PCDHGB6: variants seen among roughly 807,000 people sequenced by gnomAD.
PCDHGB6 encodes protocadherin gamma-B6.
Under a neutral mutation model 59.1 loss-of-function variants are expected in PCDHGB6, and 51 were observed. The ratio of observed to expected loss-of-function variants is 0.86; its 90% confidence interval spans 0.69 to 1.09. The LOEUF (loss-of-function observed/expected upper bound fraction) is 1.09. Among genes scored for constraint, PCDHGB6 ranks in the 50% least tolerant of loss-of-function variants. PCDHGB6 has a pLI of 0.00. For missense variants in PCDHGB6, 1,148 were observed against 1,205.1 expected (o/e 0.95, Z 0.70); for synonymous variants, 466 against 495.1 (o/e 0.94, Z 0.78).
chr5:141,418,506 A>G, intron 1 of PCDHGB6: 1 of 1,613,978 alleles, frequency 6.2e-7, no homozygotes, highest in Non-Finnish European at 8.5e-7. Flanking sequence ...ACCGCCTTAG[A>G]TGGTGGGGAC....
chr5:141,495,430 C>T (rs1189953474), intron 2 of PCDHGB6, among the ~76,000 whole-genome samples: 3 of 152,220 alleles, frequency 2.0e-5, no homozygotes, highest in Admixed American at 2.0e-4. Context: ...TCCCACTGTC[C>T]TCTGCCCCTA....
At chr5:141,506,351 A>G (rs1029519620) in intron 3 of PCDHGB6, among the ~76,000 whole-genome samples, 2 of 150,784 alleles carry the variant, frequency 1.3e-5, no homozygotes, top group African/African-American at 4.9e-5. Context: ...TGGGAGGCTG[A>G]GGCAGGAGAA....
chr5:141,426,439 G>A, intron 1 of PCDHGB6: 1 of 302,400 alleles, frequency 3.3e-6, no homozygotes, highest in Non-Finnish European at 6.5e-6. Flanking sequence ...GAACCTTGCG[G>A]AGGACATGCG....
Position 141,432,206 on chromosome 5 carries a change from G to T in PCDHGB6, c.2418+21586G>T, listed in dbSNP as rs551220443. ...GACCGCCCACGACCCCGACTGTGAA[G>T]AGAACGCCCAGATCACTTATTCCCT... On this transcript the variant is annotated intron_variant, in intron 1 of 3. Coordinates refer to ENST00000520790, the MANE Select transcript of PCDHGB6 (RefSeq NM_018926.3). The surrounding 1 kb of genome is among the most constrained non-coding windows in gnomAD (Gnocchi z 6.0). 12 of 1,614,214 alleles carry T rather than the reference G, an allele frequency of 7.4e-6. No individual in the cohort carries two copies. The Admixed American group carries it at 8.3e-5, about 11-fold the overall frequency.
rs1214853229 is a variant in PCDHGB6 at position 141,432,238 on chromosome 5, GAA to G, written c.2418+21619_2418+21620del. ...CCCAGATCACTTATTCCCTGGCTGA[GAA>G]CACCATCCAAGGGGCAAGCCTATCG... On this transcript the variant is annotated intron_variant, in intron 1 of 3. Coordinates refer to ENST00000520790, the MANE Select transcript of PCDHGB6 (RefSeq NM_018926.3). The surrounding 1 kb of genome is among the most constrained non-coding windows in gnomAD (Gnocchi z 6.0). 1 of 1,614,216 alleles carries G rather than the reference GAA, an allele frequency of 6.2e-7. No homozygotes were observed. The highest frequency in any genetic ancestry group is 2.2e-5 in the East Asian group (1 of 44,882).
chr5:141,433,262 T>A, intron 1 of PCDHGB6: 1 of 1,339,436 alleles, frequency 7.5e-7, no homozygotes, highest in Non-Finnish European at 1.0e-6. Flanking sequence ...GGTACGATCA[T>A]AGCTCACTGC....
intron 1 of PCDHGB6, among the ~76,000 whole-genome samples, chr5:141,469,914 C>T (rs1451982311): frequency 6.6e-6 from 1 of 152,082 alleles, no homozygotes. Flanking sequence ...GCAGACCACC[C>T]GAGGTCAGGA....
In PCDHGB6 at chr5:141,511,032, G is replaced by C. The variant is rs779589499; in HGVS notation, c.2652G>C (p.Gln884His). Residue 884 changes from glutamine to histidine, a missense_variant, in exon 4 of 4, where the codon CAG (glutamine) becomes CAC (histidine). Gln to His is a conservative substitution (Grantham distance 24). Coordinates refer to ENST00000520790, the MANE Select transcript of PCDHGB6 (RefSeq NM_018926.3). ...SARYGPQFTL[Q>H]HVPDYRQNVY... ...GCTACGGACCCCAGTTCACCCTGCA[G>C]CACGTGCCCGACTACCGCCAGAATG... 6.2e-7 allele frequency: 1 copy of C among 1,614,228 alleles called. No individual in the cohort carries two copies. The highest frequency in any genetic ancestry group is 8.5e-7 in the Non-Finnish European group (1 of 1,180,036).
At chr5:141,458,130 C>A (rs1441742986) in intron 1 of PCDHGB6, among the ~76,000 whole-genome samples, 2 of 152,248 alleles carry the variant, frequency 1.3e-5, no homozygotes, top group African/African-American at 4.8e-5. Flanking sequence ...AGGAACCAGG[C>A]AGAGAAAAAT....
intron 1 of PCDHGB6, among the ~76,000 whole-genome samples, chr5:141,465,538 A>AT (rs2099105284): frequency 6.6e-6 from 1 of 152,112 alleles, no homozygotes; most frequent in Non-Finnish European, 1.5e-5. Context: ...TTTCCCAGGC[A>AT]TTTTTTCTGC....
chr5:141,492,616 G>C (rs976681246), intron 1 of PCDHGB6, among the ~76,000 whole-genome samples: 2 of 152,252 alleles, frequency 1.3e-5, no homozygotes, highest in African/African-American at 4.8e-5. Context: ...CTAAGTGCCG[G>C]GCGGGCAGGA....
Position 141,485,119 on chromosome 5 carries a change from C to A in PCDHGB6, c.2419-9688C>A. 3.0e-6 allele frequency: 4 copies of A among 1,328,812 alleles called. No homozygotes were observed. Among genetic ancestry groups the A allele is most frequent in the Non-Finnish European group, 4.3e-6 (4 of 935,940 alleles). The allele number at this position is 1,328,812 out of a possible 1,614,324, so 82.3% of individuals were successfully genotyped here. ...CTCCAGCTGCTGTGGCTGTTTGGGG[C>A]GGGTCGGCTTCATCCGCGTCTCAGG... On this transcript the variant is annotated intron_variant, in intron 1 of 3. Transcript: ENST00000520790. This position sits in a 1 kb window ranked among gnomAD's most constrained non-coding sequence, Gnocchi z 5.7.
At chr5:141,484,950 T>G in intron 1 of PCDHGB6, 1 of 561,950 alleles carries the variant, frequency 1.8e-6, no homozygotes, top group Non-Finnish European at 3.2e-6. Context: ...GCTCAGCCTA[T>G]TGGCTGAGCC....
In PCDHGB6 at chr5:141,417,959, C is replaced by T. The variant is rs759279387; in HGVS notation, c.2418+7339C>T. 7.4e-6 allele frequency: 12 copies of T among 1,613,616 alleles called. No homozygotes were observed. The highest frequency in any genetic ancestry group is 4.0e-5 in the African/African-American group (3 of 74,932). On this transcript the variant is annotated intron_variant, in intron 1 of 3. Coordinates refer to ENST00000520790, the MANE Select transcript of PCDHGB6 (RefSeq NM_018926.3). The stretch of plus-strand genomic sequence containing the variant: ...CTACCCCACGCTGTGTGAGCCGATC[C>T]GCTACTCGATTCCGGAGGAGCTGGC...
At chr5:141,470,112 G>T (rs1186184232) in intron 1 of PCDHGB6, among the ~76,000 whole-genome samples, 1 of 152,104 alleles carries the variant, frequency 6.6e-6, no homozygotes, top group Non-Finnish European at 1.5e-5. Flanking sequence ...CTGAGCAACA[G>T]AGCAAGACTT....
Position 141,487,691 on chromosome 5 carries a change from A to T in PCDHGB6, c.2419-7116A>T. On this transcript the variant is annotated intron_variant, in intron 1 of 3. Transcript: ENST00000520790. The surrounding 1 kb of genome is among the most constrained non-coding windows in gnomAD (Gnocchi z 5.0). ...CATATGGCTAGGCCATGTCCTAGAG[A>T]GTACTGGCCTCTCAGTAAGTGCCCA... 6.2e-7 allele frequency: 1 copy of T among 1,604,122 alleles called. No individual in the cohort carries two copies. The highest frequency in any genetic ancestry group is 8.5e-7 in the Non-Finnish European group (1 of 1,174,384).
At chr5:141,488,070 C>A (rs777154469) in intron 1 of PCDHGB6, among the ~76,000 whole-genome samples, 3 of 152,076 alleles carry the variant, frequency 2.0e-5, no homozygotes, top group Non-Finnish European at 1.5e-5. Context: ...TCTTTGTCTC[C>A]CAGTATCTAG....
At chr5:141,442,049 C>A in intron 1 of PCDHGB6, 2 of 202,550 alleles carry the variant, frequency 9.9e-6, no homozygotes, top group South Asian at 1.3e-4. Flanking sequence ...GCCTACTGGT[C>A]GCGGTGCACT....
In PCDHGB6 at chr5:141,476,012, T is replaced by C. The variant is rs2099383969; in HGVS notation, c.2419-18795T>C. The stretch of plus-strand genomic sequence containing the variant: ...CAAATCAACGGCATCCAGAAAGCCA[T>C]GTCGGACTCGGCGCCCAGCGCCCAA... On this transcript the variant is annotated intron_variant, in intron 1 of 3. Coordinates refer to ENST00000520790, the MANE Select transcript of PCDHGB6 (RefSeq NM_018926.3). This position sits in a 1 kb window ranked among gnomAD's most constrained non-coding sequence, Gnocchi z 7.6. 7.6e-7 allele frequency: 1 copy of C among 1,317,178 alleles called. No individual in the cohort carries two copies. The highest frequency in any genetic ancestry group is 1.4e-5 in the South Asian group (1 of 69,696). The allele number at this position is 1,317,178 out of a possible 1,614,324, so 81.6% of individuals were successfully genotyped here. A position where few individuals can be genotyped will look rare whatever the true frequency, so the allele number is the denominator to read the frequency against.
Sources: gnomAD v4.1 joint callset for allele counts (sites outside exome capture counted in the v4.1 genomes callset) on GRCh38, gnomAD v4.1.1 for gene constraint, Gnocchi (gnomAD v3.1) non-coding constraint, MANE v1.5 for transcripts, NCBI Gene and HGNC (gene_info 2026-07-23, HGNC 2026-07-21) for gene names.